Variants in LRP2 observed in about 807,000 individuals in gnomAD.
The protein encoded by LRP2 is low-density lipoprotein receptor-related protein 2.
A neutral mutation model predicts 531.0 loss-of-function variants in LRP2; 172 were observed. The observed-to-expected ratio is 0.32, with a 90% confidence interval of 0.29 to 0.37. The LOEUF is 0.37. LRP2 is among the 10% of genes least tolerant of loss of function. The probability of loss-of-function intolerance (pLI) is 1.00; values close to 1 mark genes in which losing one functional copy is unlikely to be tolerated. For missense variants in LRP2, 5,167 were observed against 5,868.3 expected (o/e 0.88, Z 3.90); for synonymous variants, 1,992 against 2,027.6 (o/e 0.98, Z 0.47).
intron 77 of LRP2, among the ~76,000 whole-genome samples, chr2:169,131,131 T>C (rs764762647): frequency 1.3e-5 from 2 of 152,236 alleles, no homozygotes; most frequent in Non-Finnish European, 2.9e-5. Flanking sequence ...CGTGTGTCTG[T>C]GGAAAATTAA....
chr2:169,240,634 G>T, intron 25 of LRP2: 2 of 448,182 alleles, frequency 4.5e-6, no homozygotes, highest in African/African-American at 2.0e-5. Flanking sequence ...ATTTTTTTGT[G>T]ATAAGTTCTG....
chr2:169,206,414 T>C lies in LRP2; in HGVS notation c.7306A>G (p.Thr2436Ala), dbSNP rs577943281. ...YDSVSDRIYFTQNLASGVGQI... is the reference protein window; with the variant it reads ...YDSVSDRIYFAQNLASGVGQI... ...CCAACTCCAGAGGCTAAATTTTGTG[T>C]GAAGTAGATTCTATCACTTACACTG... The change falls in exon 39 of 79, where the codon ACA becomes GCA. Residue 2436 changes from threonine (T) to alanine (A), a missense_variant. This residue lies in a region of LRP2 where 2,811 missense variants were observed against 3,058.0 expected (regional missense o/e 0.92). Transcript: ENST00000649046. 2.5e-6 allele frequency: 4 copies of C among 1,614,168 alleles called. No individual in the cohort carries two copies. The East Asian group carries it at 8.9e-5, about 36-fold the overall frequency.
intron 1 of LRP2, among the ~76,000 whole-genome samples, chr2:169,335,650 A>G (rs1027374095): frequency 2.0e-5 from 3 of 152,160 alleles, no homozygotes; most frequent in African/African-American, 4.8e-5. Context: ...TTCTGTCTCA[A>G]TAGAAGAAAA....
intron 48 of LRP2, among the ~76,000 whole-genome samples, chr2:169,189,264 G>A (rs1272156271): frequency 2.0e-5 from 3 of 152,306 alleles, no homozygotes; most frequent in African/African-American, 7.2e-5. Flanking sequence ...AATGTGGTCA[G>A]TTTTACAACT....
rs1688400622 is a variant in LRP2, at chr2:169,206,682, G to A, written c.7038C>T (p.Cys2346=). ...GAGAGCACCCACCATTGTTTTCCAA[G>A]CAAGGGTTGTTGTTGACCTCTGCTG... is the stretch of plus-strand genomic sequence containing the variant. ...RSPAEVNNNP[C]LENNGGCSHL... is the part of the protein sequence containing the mutation. The change falls in exon 39 of 79, where the codon TGC becomes TGT. Residue 2346 remains cysteine (C), a synonymous_variant. Coordinates refer to ENST00000649046, the MANE Select transcript of LRP2 (RefSeq NM_004525.3). The A allele has an allele frequency of 6.2e-7, 1 of 1,614,028 alleles. No homozygotes were observed. Among genetic ancestry groups the A allele is most frequent in the Non-Finnish European group, 8.5e-7 (1 of 1,180,018 alleles).
chr2:169,243,021 A>G lies in LRP2; in HGVS notation c.3602T>C (p.Ile1201Thr), dbSNP rs767986542. 21 of 1,614,070 alleles carry G rather than the reference A, an allele frequency of 1.3e-5. No individual in the cohort carries two copies. The Admixed American group carries it at 3.3e-4, about 26-fold the overall frequency. ...QFKCASGDKC[I>T]GVTNRCDGVF... ...ACCATCACAACGATTTGTGACGCCA[A>G]TACATTTATCCCCACTGGCACACTT... Residue 1201 changes from isoleucine to threonine, a missense_variant, in exon 24 of 79, where the codon ATT (isoleucine) becomes ACT (threonine). Transcript: ENST00000649046.
intron 37 of LRP2, among the ~76,000 whole-genome samples, chr2:169,211,132 A>C (rs1688577046): frequency 6.6e-6 from 1 of 152,230 alleles, no homozygotes; most frequent in South Asian, 2.1e-4. Flanking sequence ...CCACGTGAAC[A>C]TGACCATCAG....
intron 68 of LRP2, among the ~76,000 whole-genome samples, chr2:169,150,413 T>G (rs1686077850): frequency 2.0e-5 from 3 of 152,200 alleles, no homozygotes; most frequent in African/African-American, 7.2e-5. Context: ...ATAGATAAAT[T>G]GCAAATTGGA....
Position 169,338,167 on chromosome 2 carries a change from G to C in LRP2, c.80-17283C>G, listed in dbSNP as rs1225971169. 3.3e-5 allele frequency among the ~76,000 whole-genome samples: 5 copies of C among 149,768 alleles called. No individual in the cohort carries two copies. In the East Asian group the frequency reaches 9.7e-4, roughly 29 times the overall value. On this transcript the variant is annotated intron_variant, in intron 1 of 78. Coordinates refer to ENST00000649046, the MANE Select transcript of LRP2 (RefSeq NM_004525.3). ...GGGAAGGAGGAAGAGAGGGAGTAGG[G>C]GAGGAGAGGAAAGAAAGAAAGAGAG...
intron 52 of LRP2, among the ~76,000 whole-genome samples, chr2:169,179,660 T>C (rs7421492): frequency 0.47 from 70,683 of 151,392 alleles, 17,227 homozygotes; most frequent in Admixed American, 0.61. Flanking sequence ...GCAGAGGTTG[T>C]GGTGAGCCGA....
At chr2:169,281,819 C>T (rs1198395333) in intron 10 of LRP2, among the ~76,000 whole-genome samples, 1 of 151,990 alleles carries the variant, frequency 6.6e-6, no homozygotes, top group Admixed American at 6.6e-5. Flanking sequence ...TCAGTACATT[C>T]ACAAGATGCA....
rs539906397 is a variant in LRP2, at chr2:169,187,934, CCT to C, written c.9328+34_9328+35del. On this transcript the variant is annotated intron_variant, in intron 49 of 78. Transcript: ENST00000649046. Reference sequence around the variant, plus strand: ...GGTTGAGAATCCATATTCAGTCTCCCCTGTTTCCTTTTCCCAAATCCTCTGTT... The same window carrying C: ...GGTTGAGAATCCATATTCAGTCTCCCGTTTCCTTTTCCCAAATCCTCTGTT... The C allele has an allele frequency of 4.3e-3, 6,911 of 1,608,238 alleles. 24 individuals carry two copies. Among genetic ancestry groups the C allele is most frequent in the Non-Finnish European group, 5.4e-3 (6,400 of 1,174,840 alleles).
At chr2:169,150,383 C>G (rs1303514349) in intron 68 of LRP2, among the ~76,000 whole-genome samples, 3 of 152,070 alleles carry the variant, frequency 2.0e-5, no homozygotes, top group Non-Finnish European at 2.9e-5. Flanking sequence ...AACTTGTTCT[C>G]ATTTACACTG....
In LRP2 at chr2:169,233,429, G is replaced by T. The variant is rs1340159528; in HGVS notation, c.5080C>A (p.Pro1694Thr). ...CACTCACAATTTGGTTGTTTCGAAG[G>T]ATGAACCGCAACAATCCCAAGGGGC... is the stretch of plus-strand genomic sequence containing the variant. The part of the protein sequence containing the change: ...QWPLGIVAVH[P>T]SKQPNSVNPC... The change falls in exon 30 of 79, where the codon CCT becomes ACT. Residue 1694 changes from proline to threonine, a missense_variant. Pro to Thr is a conservative substitution (Grantham distance 38). Coordinates refer to ENST00000649046, the MANE Select transcript of LRP2 (RefSeq NM_004525.3). 1 of 1,614,166 alleles carries T rather than the reference G, an allele frequency of 6.2e-7. No homozygotes were observed. Among genetic ancestry groups the T allele is most frequent in the Non-Finnish European group, 8.5e-7 (1 of 1,180,026 alleles).
At chr2:169,278,313 C>T (rs1313792188) in intron 12 of LRP2, among the ~76,000 whole-genome samples, 2 of 151,636 alleles carry the variant, frequency 1.3e-5, no homozygotes, top group Non-Finnish European at 2.9e-5. Flanking sequence ...GGCAAGACCC[C>T]ATCTCTACAA....
chr2:169,151,056 T>A (rs370922672), intron 67 of LRP2, 30 bp from the exon 68 acceptor site: 26 of 1,613,174 alleles, frequency 1.6e-5, no homozygotes, highest in Non-Finnish European at 2.2e-5. Context: ...GTTAAACAAC[T>A]GCAAAGCCTA....
intron 76 of LRP2, among the ~76,000 whole-genome samples, chr2:169,136,863 C>T (rs1469407986): frequency 1.3e-5 from 2 of 152,160 alleles, no homozygotes; most frequent in African/African-American, 4.8e-5. Flanking sequence ...GATATCTGCC[C>T]ATCAACTCTA....
intron 16 of LRP2, 102 bp downstream of exon 16, chr2:169,270,801 TA>T (rs1683391754): frequency 2.1e-6 from 1 of 470,838 alleles, no homozygotes. Flanking sequence ...TAAGACTGCT[TA>T]AAAATTAGAT....
At chr2:169,276,185 A>G (rs1683547566) in intron 13 of LRP2, among the ~76,000 whole-genome samples, 3 of 152,172 alleles carry the variant, frequency 2.0e-5, no homozygotes, top group Admixed American at 1.3e-4. Context: ...CTATAATGAC[A>G]TGGTACATTA....
Sources: allele counts gnomAD v4.1 joint callset (sites outside exome capture counted in the v4.1 genomes callset), GRCh38; gene constraint gnomAD v4.1.1; regional missense constraint gnomAD v4.1.1; transcripts MANE v1.5; gene names NCBI Gene and HGNC (gene_info 2026-07-23, HGNC 2026-07-21).